NUP62CL: variants seen among roughly 807,000 people sequenced by gnomAD.
NUP62CL encodes nucleoporin 62 C-terminal like.
NUP62CL carries 13 observed loss-of-function variants against 15.3 expected under a neutral mutation model. The ratio of observed to expected loss-of-function variants is 0.85; its 90% CI spans 0.55 to 1.35. The LOEUF (loss-of-function observed/expected upper bound fraction) is 1.35. NUP62CL is among the 40% of genes most tolerant of loss of function. The pLI is 0.00. For synonymous variants in NUP62CL, 54 were observed against 49.2 expected (o/e 1.10, Z -0.41); for missense variants, 123 against 130.6 (o/e 0.94, Z 0.28).
At chrX:107,199,071 A>G (rs965474606) in intron 1 of NUP62CL, among the ~76,000 whole-genome samples, 1 of 112,092 alleles carries the variant, frequency 8.9e-6, no homozygotes, top group African/African-American at 3.2e-5. Flanking sequence ...AATGATGGTC[A>G]TTTCAGGACA....
intron 1 of NUP62CL, among the ~76,000 whole-genome samples, chrX:107,202,981 A>AG (rs1927523208): frequency 9.3e-6 from 1 of 107,182 alleles, no homozygotes; most frequent in African/African-American, 3.4e-5. Flanking sequence ...TCTCAAAAAA[A>AG]AAAAAAAAAA....
At chrX:107,157,072 T>G (rs755407432) in intron 4 of NUP62CL, among the ~76,000 whole-genome samples, 184 of 105,266 alleles carry the variant, frequency 1.7e-3, no homozygotes, top group Admixed American at 2.9e-3. Context: ...AAGGGAAGTT[T>G]AGAGAAAAAA....
intron 3 of NUP62CL, among the ~76,000 whole-genome samples, chrX:107,172,975 G>A (rs1441325041): frequency 9.0e-6 from 1 of 110,976 alleles, no homozygotes; most frequent in Non-Finnish European, 1.9e-5. Context: ...CATTTCCAAT[G>A]AGACCCCCAA....
chrX:107,203,467 A>T (rs1340583773), intron 1 of NUP62CL, among the ~76,000 whole-genome samples: 2 of 109,278 alleles, frequency 1.8e-5, no homozygotes, highest in African/African-American at 6.8e-5. Context: ...GCTGGTCTTG[A>T]ACTCCTGGAT....
At chrX:107,189,867 A>AAG (rs1927173816) in intron 2 of NUP62CL, among the ~76,000 whole-genome samples, 2 of 72,849 alleles carry the variant, frequency 2.7e-5, no homozygotes, top group African/African-American at 9.7e-5. Context: ...GGAAGGAAGG[A>AAG]AAAAGAAAGA....
At chrX:107,177,300 G>A (rs191723857) in intron 2 of NUP62CL, among the ~76,000 whole-genome samples, 316 of 111,482 alleles carry the variant, frequency 2.8e-3, no homozygotes, top group Non-Finnish European at 4.8e-3. Context: ...AGAAATTAAA[G>A]ATGTTCTAAA....
At chrX:107,146,032 G>T (rs906196945) in intron 8 of NUP62CL, among the ~76,000 whole-genome samples, 11 of 111,496 alleles carry the variant, frequency 9.9e-5, no homozygotes, top group African/African-American at 3.6e-4. Context: ...AAACATTTTT[G>T]ATAAGACTAC....
chrX:107,153,974 A>G (rs1926112054), intron 5 of NUP62CL, 122 bp downstream of exon 5: 1 of 736,150 alleles, frequency 1.4e-6, no homozygotes, highest in East Asian at 3.4e-5. Context: ...CCCTGTCTCA[A>G]AAAACAAAAA....
intron 4 of NUP62CL, among the ~76,000 whole-genome samples, chrX:107,155,393 G>A (rs775105445): frequency 1.8e-5 from 2 of 112,666 alleles, no homozygotes; most frequent in South Asian, 7.4e-4. Context: ...TAAGCAGTGT[G>A]AGTCAGTCCT....
At chrX:107,170,413 CTTT>C (rs35571930) in intron 3 of NUP62CL, among the ~76,000 whole-genome samples, 1 of 94,653 alleles carries the variant, frequency 1.1e-5, no homozygotes. Context: ...ATTATTTTAA[CTTT>C]TTTTTTTTTT....
intron 8 of NUP62CL, among the ~76,000 whole-genome samples, chrX:107,144,178 C>G (rs1000525696): frequency 1.8e-5 from 2 of 111,843 alleles, no homozygotes; most frequent in African/African-American, 6.5e-5. Context: ...GAACTTTCCC[C>G]AGATACCTAG....
At chrX:107,130,091 CA>C (rs1317004547) in intron 8 of NUP62CL, among the ~76,000 whole-genome samples, 1 of 111,464 alleles carries the variant, frequency 9.0e-6, no homozygotes, top group African/African-American at 3.3e-5. Flanking sequence ...GGGCATCAAA[CA>C]TTAGAAAAAC....
intron 1 of NUP62CL, among the ~76,000 whole-genome samples, chrX:107,201,570 T>C (rs1049814019): frequency 2.8e-5 from 3 of 108,061 alleles, no homozygotes; most frequent in Admixed American, 1.0e-4. Flanking sequence ...GAATACTATA[T>C]AGCAATAAAA....
At chrX:107,196,109 A>G (rs748257233) in intron 1 of NUP62CL, among the ~76,000 whole-genome samples, 3 of 111,317 alleles carry the variant, frequency 2.7e-5, no homozygotes, top group Non-Finnish European at 3.8e-5. Context: ...TGGAATTTCT[A>G]TTCTTTTGGA....
At chrX:107,154,631 C>A (rs771319277) in intron 4 of NUP62CL, among the ~76,000 whole-genome samples, 2 of 111,490 alleles carry the variant, frequency 1.8e-5, no homozygotes, top group East Asian at 5.7e-4. Context: ...GTCAAAGTGA[C>A]CCATTCCCTG....
At chrX:107,190,391 A>G (rs180875519) in intron 2 of NUP62CL, among the ~76,000 whole-genome samples, 5 of 112,483 alleles carry the variant, frequency 4.4e-5, no homozygotes, top group African/African-American at 1.6e-4. Context: ...TTTGTTAAAC[A>G]TAAGCATTAA....
rs1437948753 is a variant in NUP62CL at position 107,184,336 on chromosome X, AAAGAAAGAAAGAAAG to A, written c.-48+8678_-48+8692del. On this transcript the variant is annotated intron_variant, in intron 2 of 8. Coordinates refer to ENST00000372466, the MANE Select transcript of NUP62CL (RefSeq NM_017681.3). The stretch of plus-strand genomic sequence containing the variant: ...GAAAGAAAGAAAGAAAGAAAGAAAG[AAAGAAAGAAAGAAAG>A]AAAGAAACTAATTAATTATTGGTAA... Among the ~76,000 whole-genome samples, 8 of 78,972 alleles carry A rather than the reference AAAGAAAGAAAGAAAG, an allele frequency of 1.0e-4. No individual in the cohort carries two copies. In the East Asian group the frequency reaches 3.8e-3, roughly 38 times the overall value. The allele number at this position is 78,972 out of a possible 115,157, so 68.6% of individuals were successfully genotyped here. A position where few individuals can be genotyped will look rare whatever the true frequency, so the allele number is the denominator to read the frequency against.
intron 1 of NUP62CL, among the ~76,000 whole-genome samples, chrX:107,198,677 C>A (rs770077810): frequency 2.7e-5 from 3 of 111,059 alleles, no homozygotes; most frequent in Non-Finnish European, 5.7e-5. Flanking sequence ...TGAACAACTC[C>A]AGACACACTG....
At chrX:107,155,584 C>T (rs1926158694) in intron 4 of NUP62CL, among the ~76,000 whole-genome samples, 1 of 111,967 alleles carries the variant, frequency 8.9e-6, no homozygotes, top group Non-Finnish European at 1.9e-5. Context: ...GTAAGTGCTC[C>T]ACTTTTGCTG....
Sources: gnomAD v4.1 joint callset for allele counts (sites outside exome capture counted in the v4.1 genomes callset) on GRCh38, gnomAD v4.1.1 for gene constraint, MANE v1.5 for transcripts, NCBI Gene and HGNC (gene_info 2026-07-23, HGNC 2026-07-21) for gene names.